Variants in SCN2A observed in about 807,000 individuals in gnomAD.
The protein encoded by SCN2A is sodium voltage-gated channel alpha subunit 2, also known as sodium channel protein type 2 subunit alpha.
A neutral mutation model predicts 188.7 loss-of-function variants in SCN2A; 20 were observed. The ratio of observed to expected loss-of-function variants is 0.11; its 90% CI spans 0.07 to 0.15. The LOEUF (loss-of-function observed/expected upper bound fraction) is 0.15, where lower values mean the gene tolerates loss of function less well. SCN2A is among the 10% of genes least tolerant of loss of function. The pLI, the probability that SCN2A is intolerant of heterozygous loss-of-function variation, is 1.00. For missense variants in SCN2A, 1,278 were observed against 2,445.0 expected (o/e 0.52, Z 10.07); for synonymous variants, 804 against 833.1 (o/e 0.97, Z 0.60).
At chr2:165,370,931 A>G (rs1700992505) in intron 20 of SCN2A, 1 of 153,160 alleles carries the variant, frequency 6.5e-6, no homozygotes, top group African/African-American at 2.4e-5. Flanking sequence ...TAAAGGTTAC[A>G]TGCAGAATTA....
chr2:165,387,583 A>G (rs889865341), intron 26 of SCN2A, among the ~76,000 whole-genome samples: 8 of 152,196 alleles, frequency 5.3e-5, no homozygotes, highest in African/African-American at 1.9e-4. Flanking sequence ...GTTATCATCA[A>G]TGATACATTA....
At chr2:165,276,790 A>T (rs1237639602) in intron 1 of SCN2A, among the ~76,000 whole-genome samples, 2 of 152,232 alleles carry the variant, frequency 1.3e-5, no homozygotes, top group African/African-American at 4.8e-5. Flanking sequence ...AATCAGTCTC[A>T]ATCACTCATC....
In SCN2A at chr2:165,276,311, G is replaced by C. The variant is rs186123925; in HGVS notation, c.-51-19462G>C. Among the ~76,000 whole-genome samples, 311 of 151,944 alleles carry C rather than the reference G, an allele frequency of 2.0e-3. 1 individual carries two copies. The highest frequency in any genetic ancestry group is 7.2e-3 in the African/African-American group (299 of 41,428). On this transcript the variant is annotated intron_variant, in intron 1 of 26. Coordinates refer to ENST00000375437, the MANE Select transcript of SCN2A (RefSeq NM_001040142.2). ...GAATTAGCTCCCTAAAAATACAAAC[G>C]CAACAATTCCAAAAGAAGGAATTCC... is the stretch of plus-strand genomic sequence containing the variant.
intron 1 of SCN2A, chr2:165,274,168 A>G (rs114168079): frequency 6.6e-6 from 1 of 152,080 alleles, no homozygotes; most frequent in Admixed American, 6.6e-5. Flanking sequence ...CTCCTTCTCA[A>G]TTCATTCCTG....
At chr2:165,384,864 A>G (rs147408980) in intron 25 of SCN2A, among the ~76,000 whole-genome samples, 402 of 152,310 alleles carry the variant, frequency 2.6e-3, no homozygotes, top group African/African-American at 8.8e-3. Context: ...AAAATGATAC[A>G]GTAGAACCTG....
intron 14 of SCN2A, 129 bp downstream of exon 14, chr2:165,331,697 T>C (rs1468903721): frequency 1.0e-5 from 8 of 789,408 alleles, no homozygotes; most frequent in Non-Finnish European, 1.7e-5. Flanking sequence ...ATGTTTAGCA[T>C]CCCTTTTAAA....
At chr2:165,309,083 T>G in intron 5 of SCN2A, 11 of 1,454,822 alleles carry the variant, frequency 7.6e-6, no homozygotes, top group Non-Finnish European at 1.1e-5. Flanking sequence ...GCGACACTCA[T>G]GAAATTAAAA....
intron 1 of SCN2A, among the ~76,000 whole-genome samples, chr2:165,259,595 A>C (rs1694482734): frequency 6.6e-6 from 1 of 152,192 alleles, no homozygotes; most frequent in Non-Finnish European, 1.5e-5. Flanking sequence ...ATCATTCATG[A>C]GAAGCAATCC....
intron 3 of SCN2A, among the ~76,000 whole-genome samples, 183 bp downstream of exon 3, chr2:165,297,318 T>G (rs1049270877): frequency 2.6e-5 from 4 of 152,192 alleles, no homozygotes; most frequent in Non-Finnish European, 5.9e-5. Context: ...TCCCCCGTCT[T>G]CTAAGTGTTT....
At chr2:165,267,014 T>TA (rs1694896931) in intron 1 of SCN2A, 1 of 151,874 alleles carries the variant, frequency 6.6e-6, no homozygotes, top group South Asian at 2.1e-4. Flanking sequence ...AAGACACACA[T>TA]AAAAAGAAAG....
chr2:165,379,884 AACCT>A, intron 23 of SCN2A, among the ~76,000 whole-genome samples: 1 of 151,762 alleles, frequency 6.6e-6, no homozygotes, highest in Non-Finnish European at 1.5e-5. Context: ...CTAAGGCGCA[AACCT>A]ACTATCACAC....
At chr2:165,246,808 G>A (rs762139345) in intron 1 of SCN2A, among the ~76,000 whole-genome samples, 10 of 151,932 alleles carry the variant, frequency 6.6e-5, no homozygotes, top group Non-Finnish European at 1.0e-4. Flanking sequence ...CATGCCACAT[G>A]TCCCTAGATT....
intron 17 of SCN2A, among the ~76,000 whole-genome samples, chr2:165,362,837 G>A (rs753868917): frequency 2.0e-5 from 3 of 152,040 alleles, no homozygotes; most frequent in Non-Finnish European, 4.4e-5. Context: ...AAAGGTTGGT[G>A]AATAGCCTAG....
intron 26 of SCN2A, 112 bp from the exon 27 acceptor site, chr2:165,388,517 A>C (rs1701988238): frequency 7.1e-7 from 1 of 1,407,926 alleles, no homozygotes; most frequent in Non-Finnish European, 9.8e-7. Flanking sequence ...TTGCATATAT[A>C]CATGTACCTA....
intron 15 of SCN2A, among the ~76,000 whole-genome samples, chr2:165,344,288 T>C (rs1263115223): frequency 1.3e-5 from 2 of 152,082 alleles, no homozygotes; most frequent in African/African-American, 4.8e-5. Context: ...CTGCTATATT[T>C]GTTAGTGATC....
At chr2:165,337,278 A>G (rs1047322395) in intron 14 of SCN2A, among the ~76,000 whole-genome samples, 1 of 152,120 alleles carries the variant, frequency 6.6e-6, no homozygotes, top group Non-Finnish European at 1.5e-5. Context: ...TTTGAACACT[A>G]GAGAATTAAA....
chr2:165,291,577 CTCT>C (rs1696202889), intron 1 of SCN2A, among the ~76,000 whole-genome samples: 2 of 86,918 alleles, frequency 2.3e-5, no homozygotes, highest in South Asian at 3.8e-4. Context: ...TCCTTCCTTT[CTCT>C]CTCTCTCTCT....
rs926402418 is a variant in SCN2A at position 165,301,653 on chromosome 2, A to C, written c.386+4518A>C. 3.9e-5 allele frequency among the ~76,000 whole-genome samples: 6 copies of C among 152,344 alleles called. No homozygotes were observed. In the Middle Eastern group the frequency reaches 0.017, roughly 432 times the overall value. ...CATGCTAGTACTTAGTAGGTACTCA[A>C]TAAAGGATATCTATGACAGTAATAG... On this transcript the variant is annotated intron_variant, in intron 3 of 26. Coordinates refer to ENST00000375437, the MANE Select transcript of SCN2A (RefSeq NM_001040142.2).
In SCN2A at chr2:165,370,032, C is replaced by A; in HGVS notation, c.3676-94C>A. 1.2e-5 allele frequency: 13 copies of A among 1,085,712 alleles called. No individual in the cohort carries two copies. In the South Asian group the frequency reaches 1.8e-4, roughly 15 times the overall value. The allele number at this position is 1,085,712 out of a possible 1,614,324, so 67.3% of individuals were successfully genotyped here. A position where few individuals can be genotyped will look rare whatever the true frequency, so the allele number is the denominator to read the frequency against. On this transcript the variant is annotated intron_variant, in intron 19 of 26. Transcript: ENST00000375437. ...ACATTAAACCTTCCAGCCTTAGGCA[C>A]CTGATAAGAGCTTGCATCGTTTCCT...
Sources: allele counts gnomAD v4.1 joint callset (sites outside exome capture counted in the v4.1 genomes callset), GRCh38; gene constraint gnomAD v4.1.1; transcripts MANE v1.5; gene names NCBI Gene and HGNC (gene_info 2026-07-23, HGNC 2026-07-21).